Variants in KALRN observed in about 807,000 individuals in gnomAD.
KALRN encodes kalirin.
In KALRN, 70 loss-of-function variants were observed where a neutral mutation model predicts 353.7. The ratio of observed to expected loss-of-function variants is 0.20; its 90% CI spans 0.16 to 0.24. The LOEUF is 0.24. Among genes scored for constraint, KALRN ranks in the 10% least tolerant of loss-of-function variants. KALRN has a pLI of 1.00. For synonymous variants in KALRN, 1,391 were observed against 1,434.8 expected (o/e 0.97, Z 0.69); for missense variants, 2,791 against 3,756.7 (o/e 0.74, Z 6.72).
intron 5 of KALRN, among the ~76,000 whole-genome samples, chr3:124,288,052 CT>C (rs1354827462): frequency 6.6e-6 from 1 of 151,258 alleles, no homozygotes; most frequent in Non-Finnish European, 1.5e-5. Context: ...TTTTTGTATT[CT>C]TATTAGAGAT....
chr3:124,522,738 C>A (rs913691936), intron 33 of KALRN, among the ~76,000 whole-genome samples: 24 of 152,304 alleles, frequency 1.6e-4, no homozygotes, highest in Middle Eastern at 6.8e-3. Flanking sequence ...AGTCTGAGAA[C>A]CACTAAATTA....
chr3:124,474,260 T>C (rs1023830116), intron 25 of KALRN, among the ~76,000 whole-genome samples: 1 of 152,244 alleles, frequency 6.6e-6, no homozygotes, highest in Non-Finnish European at 1.5e-5. Flanking sequence ...AATTTTTTTC[T>C]ACTTTATCTC....
At chr3:124,447,274 T>C (rs1034079284) in intron 21 of KALRN, among the ~76,000 whole-genome samples, 2 of 152,178 alleles carry the variant, frequency 1.3e-5, no homozygotes, top group Non-Finnish European at 2.9e-5. Flanking sequence ...GTTTGGGAAG[T>C]CCACCTTATT....
intron 58 of KALRN, among the ~76,000 whole-genome samples, chr3:124,715,808 A>G (rs998118299): frequency 6.6e-6 from 1 of 152,210 alleles, no homozygotes; most frequent in Non-Finnish European, 1.5e-5. Flanking sequence ...AATACCTGAC[A>G]TTTGGTAACT....
intron 1 of KALRN, among the ~76,000 whole-genome samples, chr3:124,107,236 C>T (rs187089992): frequency 2.2e-4 from 33 of 152,274 alleles, no homozygotes; most frequent in Non-Finnish European, 1.8e-4. Context: ...GGAGGAAGGA[C>T]GTTAAGTCTT....
chr3:124,102,446 T>C (rs778090729), intron 1 of KALRN, among the ~76,000 whole-genome samples: 3 of 152,196 alleles, frequency 2.0e-5, no homozygotes, highest in Non-Finnish European at 4.4e-5. Flanking sequence ...CCCCTGACTG[T>C]ACCTGGTTCC....
At chr3:124,444,502 T>C (rs1438884252) in intron 19 of KALRN, among the ~76,000 whole-genome samples, 1 of 152,040 alleles carries the variant, frequency 6.6e-6, no homozygotes, top group African/African-American at 2.4e-5. Context: ...GGGTGAATGA[T>C]TGGACCCAAA....
At chr3:124,346,050 G>T (rs1207580952) in intron 9 of KALRN, among the ~76,000 whole-genome samples, 2 of 152,190 alleles carry the variant, frequency 1.3e-5, no homozygotes, top group Non-Finnish European at 2.9e-5. Flanking sequence ...TTAGTTAATG[G>T]TTAATATTGC....
intron 1 of KALRN, among the ~76,000 whole-genome samples, chr3:124,111,709 G>T (rs543507501): frequency 2.0e-5 from 3 of 151,960 alleles, no homozygotes; most frequent in African/African-American, 7.3e-5. Flanking sequence ...AAATATAGGG[G>T]GCATGTTCAT....
chr3:124,216,835 T>G (rs528932266), intron 1 of KALRN, among the ~76,000 whole-genome samples: 19 of 152,226 alleles, frequency 1.2e-4, no homozygotes, highest in Non-Finnish European at 2.4e-4. Flanking sequence ...GCTTTGTTGT[T>G]TATCTCCAGC....
At chr3:124,573,075 C>G (rs1408851454) in intron 34 of KALRN, among the ~76,000 whole-genome samples, 2 of 152,012 alleles carry the variant, frequency 1.3e-5, no homozygotes, top group Non-Finnish European at 2.9e-5. Context: ...GAGTCTGAAT[C>G]CTGGTCACTG....
intron 1 of KALRN, among the ~76,000 whole-genome samples, chr3:124,142,692 CT>C (rs1157644280): frequency 6.6e-6 from 1 of 152,008 alleles, no homozygotes; most frequent in African/African-American, 2.4e-5. Flanking sequence ...AGCCTCGATG[CT>C]TGCTTATACC....
chr3:124,720,596 A>G lies in KALRN; in HGVS notation c.*1126A>G, dbSNP rs2063335298. ...CTGGTTCTAAGTCCTTTTTAAAGCC[A>G]TGGAACAAAACCTGATACATCACCC... is the stretch of plus-strand genomic sequence containing the variant. On this transcript the variant is annotated 3_prime_UTR_variant, in exon 60 of 60. Transcript: ENST00000682506. The G allele has an allele frequency of 1.3e-5, 2 of 152,652 alleles. No homozygotes were observed. Among genetic ancestry groups the G allele is most frequent in the Admixed American group, 6.5e-5 (1 of 15,282 alleles). The allele number at this position is 152,652 out of a possible 1,614,324, so 9.5% of individuals were successfully genotyped here. A position where few individuals can be genotyped will look rare whatever the true frequency, so the allele number is the denominator to read the frequency against.
chr3:124,555,123 C>T (rs994207481), intron 33 of KALRN, among the ~76,000 whole-genome samples: 5 of 152,124 alleles, frequency 3.3e-5, no homozygotes, highest in African/African-American at 1.2e-4. Context: ...GGTGCTTCCA[C>T]TCCCTGGGGC....
chr3:124,301,135 C>T (rs1170287731), intron 6 of KALRN, among the ~76,000 whole-genome samples: 1 of 152,128 alleles, frequency 6.6e-6, no homozygotes, highest in Admixed American at 6.5e-5. Context: ...CACCACCAAG[C>T]CCCTAGAAAC....
chr3:124,267,668 C>T (rs893859099), intron 4 of KALRN, among the ~76,000 whole-genome samples: 2 of 152,234 alleles, frequency 1.3e-5, no homozygotes, highest in Non-Finnish European at 2.9e-5. Flanking sequence ...CACCTCCTTC[C>T]TTCCTCTTAG....
intron 5 of KALRN, among the ~76,000 whole-genome samples, chr3:124,294,172 G>A (rs2076648462): frequency 6.6e-6 from 1 of 151,986 alleles, no homozygotes; most frequent in African/African-American, 2.4e-5. Flanking sequence ...GTTCTGAAGA[G>A]ATTATTACAC....
intron 1 of KALRN, among the ~76,000 whole-genome samples, chr3:124,098,148 T>C (rs750502469): frequency 5.3e-5 from 8 of 152,244 alleles, no homozygotes; most frequent in Non-Finnish European, 8.8e-5. Flanking sequence ...CTGCTCTTTA[T>C]TCACAGAGCA....
At chr3:124,293,122 T>A (rs538980156) in intron 5 of KALRN, among the ~76,000 whole-genome samples, 1 of 152,336 alleles carries the variant, frequency 6.6e-6, no homozygotes, top group East Asian at 1.9e-4. Context: ...GGGCACAAGC[T>A]TTTATGGATG....
Sources: gnomAD v4.1 joint callset for allele counts (sites outside exome capture counted in the v4.1 genomes callset) on GRCh38, gnomAD v4.1.1 for gene constraint, MANE v1.5 for transcripts, NCBI Gene and HGNC (gene_info 2026-07-23, HGNC 2026-07-21) for gene names.